The following LARGE1 variants were observed in gnomAD, a reference collection of about 807,000 sequenced individuals.
LARGE1 encodes LARGE xylosyl- and glucuronyltransferase 1, also known as xylosyl- and glucuronyltransferase LARGE1.
A neutral mutation model predicts 87.6 loss-of-function variants in LARGE1; 43 were observed. That is an observed-to-expected ratio of 0.49 (90% CI 0.38 to 0.63). LARGE1 has a LOEUF of 0.63. LARGE1 is among the 30% of genes least tolerant of loss of function. LARGE1 has a pLI of 0.00. For missense variants in LARGE1, 802 were observed against 1,000.2 expected (o/e 0.80, Z 2.67); for synonymous variants, 434 against 394.6 (o/e 1.10, Z -1.18).
intron 2 of LARGE1, among the ~76,000 whole-genome samples, chr22:33,712,541 C>T (rs1213235924): frequency 6.6e-6 from 1 of 151,976 alleles, no homozygotes; most frequent in African/African-American, 2.4e-5. Context: ...GAAACCCCTC[C>T]TTGACTCTGA....
intron 2 of LARGE1, among the ~76,000 whole-genome samples, chr22:33,693,679 C>T (rs1329073317): frequency 6.6e-6 from 1 of 152,048 alleles, no homozygotes; most frequent in African/African-American, 2.4e-5. Context: ...AGAAGGTTGC[C>T]TGGGCATGGT....
intron 1 of LARGE1, among the ~76,000 whole-genome samples, chr22:33,804,937 C>A (rs1434080806): frequency 2.0e-5 from 3 of 152,172 alleles, no homozygotes; most frequent in Non-Finnish European, 4.4e-5. Flanking sequence ...TGGCTCATAT[C>A]CCACTGTCTG....
chr22:33,862,437 A>G (rs1432934267), intron 1 of LARGE1, among the ~76,000 whole-genome samples: 1 of 152,234 alleles, frequency 6.6e-6, no homozygotes, highest in Non-Finnish European at 1.5e-5. Context: ...GATTGACGGC[A>G]GTCGCTGAGC....
intron 1 of LARGE1, among the ~76,000 whole-genome samples, chr22:33,804,145 G>C (rs976707032): frequency 1.2e-4 from 19 of 152,148 alleles, no homozygotes; most frequent in African/African-American, 4.3e-4. Flanking sequence ...CCTTAGAAAG[G>C]CCTGCTTAAC....
intron 6 of LARGE1, among the ~76,000 whole-genome samples, chr22:33,538,452 G>A (rs2077099347): frequency 6.6e-6 from 1 of 152,122 alleles, no homozygotes; most frequent in Admixed American, 6.5e-5. Context: ...ACATATTTCT[G>A]AGCTGAATTG....
Position 33,808,428 on chromosome 22 carries a change from A to C in LARGE1, c.-82-46870T>G, listed in dbSNP as rs917497205. ...AAGCCTTGCCAGAGTGCTGAGACTCAGCAAGAACACAAAAGCAGCCCCTCC... is the reference window on the plus strand; with the variant it reads ...AAGCCTTGCCAGAGTGCTGAGACTCCGCAAGAACACAAAAGCAGCCCCTCC... On this transcript the variant is annotated intron_variant, in intron 1 of 14. Coordinates refer to ENST00000397394, the MANE Select transcript of LARGE1 (RefSeq NM_133642.5). Among the ~76,000 whole-genome samples, 6 of 152,324 alleles carry C rather than the reference A, an allele frequency of 3.9e-5. No individual in the cohort carries two copies. The South Asian group carries it at 1.0e-3, about 26-fold the overall frequency.
chr22:33,868,959 G>A (rs2064191300), intron 1 of LARGE1, among the ~76,000 whole-genome samples: 1 of 152,168 alleles, frequency 6.6e-6, no homozygotes, highest in South Asian at 2.1e-4. Context: ...CTCAGGGCAG[G>A]ACTGGCTGAT....
intron 11 of LARGE1, among the ~76,000 whole-genome samples, chr22:33,228,894 A>G (rs1280180328): frequency 6.6e-6 from 1 of 152,140 alleles, no homozygotes; most frequent in East Asian, 1.9e-4. Context: ...AGAGAGAAAG[A>G]GAAAGGAAAC....
chr22:33,879,034 G>A (rs555467694), intron 1 of LARGE1, among the ~76,000 whole-genome samples: 3 of 150,718 alleles, frequency 2.0e-5, no homozygotes, highest in East Asian at 2.0e-4. Flanking sequence ...ATGCAATGGC[G>A]TGATCTCAGC....
At chr22:33,103,499 G>C in the LARGE1 span, among the ~76,000 whole-genome samples, 1 of 146,468 alleles carries the variant, frequency 6.8e-6, no homozygotes, top group Non-Finnish European at 1.5e-5. Flanking sequence ...AATCAAATGA[G>C]CTCTTTAAAA....
At chr22:33,597,296 AAACTT>A (rs2079004261) in intron 5 of LARGE1, among the ~76,000 whole-genome samples, 1 of 149,562 alleles carries the variant, frequency 6.7e-6, no homozygotes, top group African/African-American at 2.5e-5. Context: ...AAAAAAAAAA[AAACTT>A]GTAAGTATTA....
chr22:33,290,992 T>G (rs1232716579), intron 12 of LARGE1, among the ~76,000 whole-genome samples: 1 of 151,706 alleles, frequency 6.6e-6, no homozygotes, highest in Non-Finnish European at 1.5e-5. Context: ...TGAGCTGAGA[T>G]TGCACCACTG....
intron 1 of LARGE1, among the ~76,000 whole-genome samples, chr22:33,905,849 G>A (rs1239391281): frequency 6.6e-6 from 1 of 152,140 alleles, no homozygotes; most frequent in Non-Finnish European, 1.5e-5. Context: ...GGAGGACAGG[G>A]CCTGGTGCAG....
intron 11 of LARGE1, among the ~76,000 whole-genome samples, chr22:33,306,709 TA>T (rs1211046908): frequency 6.6e-6 from 1 of 151,928 alleles, no homozygotes; most frequent in Admixed American, 6.6e-5. Context: ...CCATCTCTAC[TA>T]AAAATACAAA....
rs188176880 is a variant in LARGE1 at position 33,690,638 on chromosome 22, C to G, written c.107-39970G>C. On this transcript the variant is annotated intron_variant, in intron 2 of 14. Coordinates refer to ENST00000397394, the MANE Select transcript of LARGE1 (RefSeq NM_133642.5). ...CCTTTCCTTGTAGGGTGAGGGCAGACAGAGTGAGAAGGCAAAGAGACCAGA... is the reference window on the plus strand; with the variant it reads ...CCTTTCCTTGTAGGGTGAGGGCAGAGAGAGTGAGAAGGCAAAGAGACCAGA... Among the ~76,000 whole-genome samples, 19 of 140,974 alleles carry G rather than the reference C, an allele frequency of 1.3e-4. No homozygotes were observed. In the Admixed American group the frequency reaches 1.4e-3, roughly 10 times the overall value. The allele number at this position is 140,974 out of a possible 152,430, so 92.5% of individuals were successfully genotyped here.
chr22:33,174,292 A>G (rs554558465), intron 11 of LARGE1, among the ~76,000 whole-genome samples: 88 of 152,242 alleles, frequency 5.8e-4, no homozygotes, highest in African/African-American at 2.0e-3. Context: ...TTTGAAACCA[A>G]TGAGAACAAA....
intron 6 of LARGE1, among the ~76,000 whole-genome samples, chr22:33,435,167 AATTTTTGT>A (rs879388396): frequency 2.6e-5 from 4 of 151,940 alleles, no homozygotes; most frequent in Non-Finnish European, 4.4e-5. Flanking sequence ...ATGTCTGGCT[AATTTTTGT>A]ATTTTTAGCA....
chr22:33,578,128 GC>G (rs1183887973), intron 5 of LARGE1, among the ~76,000 whole-genome samples: 5 of 152,130 alleles, frequency 3.3e-5, no homozygotes, highest in Non-Finnish European at 5.9e-5. Context: ...CCAACAACAG[GC>G]CTTTACTGTT....
the LARGE1 span, chr22:33,137,250 A>G: frequency 1.3e-5 from 2 of 152,362 alleles, no homozygotes; most frequent in Admixed American, 6.5e-5. Flanking sequence ...AAAGGAGGCC[A>G]TGGGAGTCTT....
Sources: allele counts gnomAD v4.1 joint callset (sites outside exome capture counted in the v4.1 genomes callset), GRCh38; gene constraint gnomAD v4.1.1; transcripts MANE v1.5; gene names NCBI Gene and HGNC (gene_info 2026-07-23, HGNC 2026-07-21).